The following CUL1 variants were observed in gnomAD, a reference collection of about 807,000 sequenced individuals.
CUL1 encodes cullin-1.
In CUL1, 24 loss-of-function variants were observed where a neutral mutation model predicts 118.0. The ratio of observed to expected loss-of-function variants is 0.20; its 90% confidence interval spans 0.15 to 0.29. CUL1 has a LOEUF of 0.29. CUL1 is among the 10% of genes least tolerant of loss of function. The pLI, the probability that CUL1 is intolerant of heterozygous loss-of-function variation, is 1.00. For missense variants in CUL1, 361 were observed against 933.8 expected (o/e 0.39, Z 7.99); for synonymous variants, 332 against 340.4 (o/e 0.98, Z 0.27).
At position 148,800,595 on chromosome 7, in the gene CUL1, G is replaced by T. The variant is rs372556061; in HGVS notation, c.*13G>T. 76 of 1,596,566 alleles carry T rather than the reference G, an allele frequency of 4.8e-5. No individual in the cohort carries two copies. The African/African-American group carries it at 8.7e-4, about 18-fold the overall frequency. The stretch of plus-strand genomic sequence containing the variant: ...TTACTTGGCTTAACCCTTCTGGAAG[G>T]GTCTGACTGTGTGACCCGCAGCAAA... On this transcript the variant is annotated 3_prime_UTR_variant, in exon 22 of 22. Transcript: ENST00000325222. The surrounding 1 kb of genome is among the most constrained non-coding windows in gnomAD (Gnocchi z 4.6).
intron 9 of CUL1, among the ~76,000 whole-genome samples, chr7:148,781,079 A>ATTTTTT (rs1197920664): frequency 0.15 from 14,304 of 93,222 alleles, 3,009 homozygotes; most frequent in African/African-American, 0.24. Context: ...TCAAGGCCAG[A>ATTTTTT]TTTTTTTTTT....
intron 1 of CUL1, among the ~76,000 whole-genome samples, chr7:148,718,735 G>T (rs960618562): frequency 3.3e-5 from 5 of 152,014 alleles, no homozygotes; most frequent in Non-Finnish European, 7.4e-5. Context: ...TTGTTTTTGG[G>T]GGGTAGATAT....
chr7:148,799,150 T>G (rs1238998570), intron 20 of CUL1, 125 bp from the exon 21 acceptor site: 6 of 650,214 alleles, frequency 9.2e-6, no homozygotes, highest in Non-Finnish European at 1.3e-5. Flanking sequence ...GGATGTTTGT[T>G]GCCTGTTAGG....
At chr7:148,738,945 AGTGT>A (rs1293981357) in intron 2 of CUL1, among the ~76,000 whole-genome samples, 1 of 152,122 alleles carries the variant, frequency 6.6e-6, no homozygotes, top group Non-Finnish European at 1.5e-5. Flanking sequence ...ACAGGTGGTG[AGTGT>A]GGCATTGTGG....
intron 12 of CUL1, 69 bp downstream of exon 12, chr7:148,786,668 G>A (rs2072406): frequency 0.63 from 805,020 of 1,284,464 alleles, 252,987 homozygotes; most frequent in African/African-American, 0.8. Context: ...AATGTTATTT[G>A]TAGATGGCCT....
At chr7:148,736,630 G>A (rs1262518430) in intron 2 of CUL1, among the ~76,000 whole-genome samples, 1 of 152,084 alleles carries the variant, frequency 6.6e-6, no homozygotes, top group African/African-American at 2.4e-5. Flanking sequence ...AATGTACTGT[G>A]GCCCAGCAAT....
intron 1 of CUL1, among the ~76,000 whole-genome samples, chr7:148,713,735 A>T (rs560497187): frequency 3.3e-5 from 5 of 152,074 alleles, no homozygotes; most frequent in East Asian, 1.9e-4. Flanking sequence ...TTATATATAT[A>T]TTTTTTGAGA....
At chr7:148,765,318 C>T (rs964032198) in intron 7 of CUL1, among the ~76,000 whole-genome samples, 1 of 151,992 alleles carries the variant, frequency 6.6e-6, no homozygotes, top group Non-Finnish European at 1.5e-5. Context: ...CCAGATTTCT[C>T]CAAAATTATA....
intron 2 of CUL1, among the ~76,000 whole-genome samples, chr7:148,752,685 G>A (rs574998394): frequency 1.3e-4 from 20 of 152,148 alleles, no homozygotes; most frequent in African/African-American, 4.6e-4. Flanking sequence ...GTCTTGCTCT[G>A]TCGCCCAGGC....
intron 10 of CUL1, 28 bp downstream of exon 10, chr7:148,783,918 T>G (rs1017875422): frequency 2.0e-5 from 33 of 1,613,514 alleles, no homozygotes; most frequent in Non-Finnish European, 2.6e-5. Flanking sequence ...GTGACTTGCC[T>G]GTAGTATGTA....
At chr7:148,707,445 G>A (rs1797919452) in intron 1 of CUL1, among the ~76,000 whole-genome samples, 1 of 152,054 alleles carries the variant, frequency 6.6e-6, no homozygotes, top group African/African-American at 2.4e-5. Flanking sequence ...CAAAGCCTGT[G>A]TCATTTACAT....
intron 15 of CUL1, 61 bp downstream of exon 15, chr7:148,789,887 T>G: frequency 6.7e-7 from 1 of 1,492,816 alleles, no homozygotes; most frequent in Non-Finnish European, 9.3e-7. Flanking sequence ...CAGGGCAGCC[T>G]TCACTGTGGA....
At chr7:148,741,153 G>A (rs1799126377) in intron 2 of CUL1, among the ~76,000 whole-genome samples, 2 of 147,064 alleles carry the variant, frequency 1.4e-5, no homozygotes, top group South Asian at 2.2e-4. Flanking sequence ...CCATTCATCA[G>A]GTGATGGACA....
At chr7:148,711,358 A>AAC (rs1364290308) in intron 1 of CUL1, among the ~76,000 whole-genome samples, 11 of 152,200 alleles carry the variant, frequency 7.2e-5, no homozygotes. Flanking sequence ...TGACAGGTGG[A>AAC]ACCACAGGTG....
At chr7:148,752,858 TAGCC>T (rs1799535190) in intron 2 of CUL1, among the ~76,000 whole-genome samples, 1 of 152,198 alleles carries the variant, frequency 6.6e-6, no homozygotes, top group Non-Finnish European at 1.5e-5. Flanking sequence ...TTCACCGTGT[TAGCC>T]AGGATGGTCT....
At position 148,721,709 on chromosome 7, in the gene CUL1, A is replaced by G. The variant is rs116509167; in HGVS notation, c.-161-8253A>G. Among the ~76,000 whole-genome samples the G allele has an allele frequency of 4.9e-3, 744 of 151,592 alleles. 8 individuals carry two copies. The highest frequency in any genetic ancestry group is 0.017 in the African/African-American group (714 of 40,892). ...TAGATATAAAAATGATATACTGTAT[A>G]TATTCCTTTGTCACCTTTTTTTTTC... On this transcript the variant is annotated intron_variant, in intron 1 of 21. Transcript: ENST00000325222.
chr7:148,769,801 A>C (rs1231386924), intron 9 of CUL1, among the ~76,000 whole-genome samples: 1 of 152,210 alleles, frequency 6.6e-6, no homozygotes, highest in Non-Finnish European at 1.5e-5. Flanking sequence ...AGCCTGAGGC[A>C]GGAGGGTCAC....
chr7:148,748,436 G>A (rs928163960), intron 2 of CUL1, among the ~76,000 whole-genome samples: 3 of 152,164 alleles, frequency 2.0e-5, no homozygotes, highest in African/African-American at 4.8e-5. Flanking sequence ...AGGAATAAAC[G>A]TGGTTACTTC....
chr7:148,778,276 T>C (rs1329943443), intron 9 of CUL1, among the ~76,000 whole-genome samples: 1 of 151,938 alleles, frequency 6.6e-6, no homozygotes, highest in Non-Finnish European at 1.5e-5. Context: ...TTCTAAATGA[T>C]TTTTGAGATC....
Sources: gnomAD v4.1 joint callset for allele counts (sites outside exome capture counted in the v4.1 genomes callset) on GRCh38, gnomAD v4.1.1 for gene constraint, Gnocchi (gnomAD v3.1) non-coding constraint, MANE v1.5 for transcripts, NCBI Gene and HGNC (gene_info 2026-07-23, HGNC 2026-07-21) for gene names.